Variants in AGBL5 observed in about 807,000 individuals in gnomAD.
AGBL5 encodes AGBL carboxypeptidase 5.
In AGBL5, 51 loss-of-function variants were observed where a neutral mutation model predicts 88.0. The observed-to-expected ratio is 0.58, with a 90% CI of 0.46 to 0.73. AGBL5 has a LOEUF of 0.73. Among genes scored for constraint, AGBL5 ranks in the 30% least tolerant of loss-of-function variants. The pLI, the probability that AGBL5 is intolerant of heterozygous loss-of-function variation, is 0.00. For synonymous variants in AGBL5, 446 were observed against 438.8 expected (o/e 1.02, Z -0.21); for missense variants, 1,031 against 1,162.2 (o/e 0.89, Z 1.64).
chr2:27,061,646 G>T (rs1255386151), intron 11 of AGBL5: 1 of 152,202 alleles, frequency 6.6e-6, no homozygotes, highest in African/African-American at 2.4e-5. Flanking sequence ...AGGATTACAG[G>T]CGTGAGCCAT....
At chr2:27,054,575 A>G (rs1359210884) in intron 4 of AGBL5, 55 bp from the exon 5 acceptor site, 2 of 1,552,254 alleles carry the variant, frequency 1.3e-6, no homozygotes, top group Non-Finnish European at 8.8e-7. Context: ...GACAAGGCCT[A>G]CCTCTTACTA....
intron 12 of AGBL5, 92 bp downstream of exon 12, chr2:27,067,738 C>T (rs1412958512): frequency 8.1e-6 from 11 of 1,363,230 alleles, no homozygotes; most frequent in Non-Finnish European, 1.0e-5. Context: ...CCAGGGGCAT[C>T]ACTTATCCTC....
chr2:27,053,228 G>A lies in AGBL5; in HGVS notation c.215+55G>A, dbSNP rs1668264350. On this transcript the variant is annotated intron_variant, in intron 2 of 14. Transcript: ENST00000360131. This position sits in a 1 kb window ranked among gnomAD's most constrained non-coding sequence, Gnocchi z 4.9. ...AGGCTCCAAACCCATGCTTCAGTTA[G>A]CCCTCTGACTTATCTGTTCATACCC... 6.5e-7 allele frequency: 1 copy of A among 1,538,930 alleles called. No individual in the cohort carries two copies.
chr2:27,067,450 C>A, intron 11 of AGBL5, 44 bp from the exon 12 acceptor site: 1 of 1,593,434 alleles, frequency 6.3e-7, no homozygotes, highest in Non-Finnish European at 8.6e-7. Context: ...CTCATAGTGC[C>A]CCACTTATTT....
At chr2:27,051,006 T>C (rs1204916666), upstream of AGBL5, 4 of 152,262 alleles carry the variant, frequency 2.6e-5, no homozygotes, top group African/African-American at 9.6e-5. Context: ...ACGGTAACGC[T>C]CTTTCTGCGT....
At chr2:27,050,598 T>C (rs765148305), upstream of AGBL5, among the ~76,000 whole-genome samples, 12 of 152,264 alleles carry the variant, frequency 7.9e-5, no homozygotes, top group Admixed American at 2.0e-4. Context: ...CGTTCTGGCC[T>C]GAGAACCCGG....
rs1267163681 is a variant in AGBL5 at position 27,052,993 on chromosome 2, C to G, written c.35C>G (p.Ser12Cys). Residue 12 changes from serine (S) to cysteine (C), a missense_variant, in exon 2 of 15, where the codon TCT becomes TGT. By Grantham distance (112) the Ser-to-Cys change is moderately radical. Coordinates refer to ENST00000360131, the MANE Select transcript of AGBL5 (RefSeq NM_021831.6). ...ELRCGGLLFS[S>C]RFDSGNLAHV... ...CGCTGTGGGGGATTGCTGTTCAGTT[C>G]TCGCTTTGATTCAGGGAATCTAGCC... The G allele has an allele frequency of 6.2e-7, 1 of 1,612,870 alleles. No homozygotes were observed. The highest frequency in any genetic ancestry group is 2.2e-5 in the East Asian group (1 of 44,848).
chr2:27,051,201 C>T (rs547042580), upstream of AGBL5, among the ~76,000 whole-genome samples: 6 of 152,274 alleles, frequency 3.9e-5, no homozygotes, highest in South Asian at 2.1e-4. Context: ...AGGGAAAGAA[C>T]TAAGCAGCAG....
chr2:27,069,069 G>A (rs750324390), intron 13 of AGBL5: 9 of 1,358,188 alleles, frequency 6.6e-6, no homozygotes, highest in African/African-American at 2.9e-5. Context: ...GAGAGTTTCC[G>A]CCAGGAGGGG....
At chr2:27,070,048 G>A (rs1339490843) in intron 14 of AGBL5, 44 bp from the exon 15 acceptor site, 5 of 1,585,346 alleles carry the variant, frequency 3.2e-6, no homozygotes, top group Admixed American at 1.7e-5. Flanking sequence ...CAGAAGAGGA[G>A]GAGAGTTTTC....
intron 5 of AGBL5, 121 bp downstream of exon 5, chr2:27,054,928 C>G: frequency 2.0e-6 from 3 of 1,490,024 alleles, no homozygotes; most frequent in Non-Finnish European, 2.7e-6. Context: ...CAGCGTGCGG[C>G]AAGGGTGATG....
At chr2:27,054,604 C>T in intron 4 of AGBL5, 26 bp from the exon 5 acceptor site, 1 of 1,602,480 alleles carries the variant, frequency 6.2e-7, no homozygotes, top group Non-Finnish European at 8.5e-7. Flanking sequence ...GGGACTTCTC[C>T]TGGCTTAATT....
upstream of AGBL5, among the ~76,000 whole-genome samples, chr2:27,050,812 A>C (rs957098315): frequency 1.3e-5 from 2 of 152,126 alleles, no homozygotes; most frequent in African/African-American, 4.8e-5. Flanking sequence ...AGAGCGGAGG[A>C]CTGTAGTGGA....
chr2:27,051,138 G>C (rs1397118416), upstream of AGBL5: 1 of 152,252 alleles, frequency 6.6e-6, no homozygotes, highest in African/African-American at 2.4e-5. Flanking sequence ...TAAATGTCCT[G>C]AACTGTGGTT....
chr2:27,050,476 G>C (rs1465269228), upstream of AGBL5, among the ~76,000 whole-genome samples: 3 of 152,246 alleles, frequency 2.0e-5, no homozygotes, highest in African/African-American at 4.8e-5. Flanking sequence ...GCGCTGCCCC[G>C]GAGCTCCAGG....
At chr2:27,066,294 A>T (rs1490364888) in intron 11 of AGBL5, among the ~76,000 whole-genome samples, 1 of 152,040 alleles carries the variant, frequency 6.6e-6, no homozygotes, top group Non-Finnish European at 1.5e-5. Flanking sequence ...GGATTTGATT[A>T]CACAAATGCA....
chr2:27,056,552 A>T, intron 7 of AGBL5, 71 bp from the exon 8 acceptor site: 1 of 1,385,466 alleles, frequency 7.2e-7, no homozygotes, highest in Non-Finnish European at 9.9e-7. Flanking sequence ...ATGGTCACAT[A>T]CTTGCTATCT....
chr2:27,056,442 G>C, intron 7 of AGBL5, 181 bp from the exon 8 acceptor site: 1 of 655,748 alleles, frequency 1.5e-6, no homozygotes, highest in South Asian at 2.6e-5. Flanking sequence ...AAAAAAAAAA[G>C]AATTGCTTCC....
Position 27,059,281 on chromosome 2 carries a change from C to G in AGBL5, c.1966C>G (p.Gln656Glu), listed in dbSNP as rs1418662643. The G allele has an allele frequency of 1.9e-6, 3 of 1,614,082 alleles. No homozygotes were observed. The highest frequency in any genetic ancestry group is 1.1e-5 in the South Asian group (1 of 91,092). Residue 656 changes from glutamine (Q) to glutamate (E), a missense_variant, in exon 11 of 15, where the codon CAA becomes GAA. Physicochemically the swap from Gln to Glu is conservative, Grantham distance 29. Coordinates refer to ENST00000360131, the MANE Select transcript of AGBL5 (RefSeq NM_021831.6). ...TGCCGGTGGTAGCAGCAGCAGCCAA[C>G]AAAATTCTCCACAGATGAAGAATTC... ...TSAGGSSSSQ[Q>E]NSPQMKNSPS... is the part of the protein sequence containing the mutation.
Sources: allele counts gnomAD v4.1 joint callset (sites outside exome capture counted in the v4.1 genomes callset), GRCh38; gene constraint gnomAD v4.1.1; non-coding constraint Gnocchi (gnomAD v3.1); transcripts MANE v1.5; gene names NCBI Gene and HGNC (gene_info 2026-07-23, HGNC 2026-07-21).